SORL1: variants seen among roughly 807,000 people sequenced by gnomAD.
The protein encoded by SORL1 is sortilin-related receptor.
In SORL1, 127 loss-of-function variants were observed where a neutral mutation model predicts 273.7. The ratio of observed to expected loss-of-function variants is 0.46; its 90% CI spans 0.40 to 0.54. The LOEUF (loss-of-function observed/expected upper bound fraction) is 0.54, where lower values mean the gene tolerates loss of function less well. SORL1 is among the 20% of genes least tolerant of loss of function. The probability of loss-of-function intolerance (pLI) is 0.00; values close to 1 mark genes in which losing one functional copy is unlikely to be tolerated. For synonymous variants in SORL1, 1,031 were observed against 1,067.4 expected, an observed-to-expected ratio of 0.97 and a Z score of 0.66; for missense variants, 2,494 against 2,846.1, an observed-to-expected ratio of 0.88 and a Z score of 2.81.
intron 3 of SORL1, among the ~76,000 whole-genome samples, chr11:121,480,912 G>A (rs1219262422): frequency 3.2e-4 from 41 of 127,322 alleles, no homozygotes; most frequent in Non-Finnish European, 6.0e-4. Flanking sequence ...CCTATAGGCA[G>A]GCTTCATCTC....
intron 32 of SORL1, among the ~76,000 whole-genome samples, chr11:121,603,114 T>A (rs1300530367): frequency 6.6e-6 from 1 of 152,252 alleles, no homozygotes; most frequent in African/African-American, 2.4e-5. Context: ...GGCTGAACTC[T>A]CCTACCTATG....
In SORL1 at chr11:121,514,400, A is replaced by G. The variant is rs566158512; in HGVS notation, c.1211+79A>G. The G allele has an allele frequency of 8.6e-4, 1,187 of 1,386,898 alleles. 2 individuals are homozygous for G. The highest frequency in any genetic ancestry group is 1.1e-3 in the Non-Finnish European group (1,106 of 1,024,604). 85.9% of individuals were successfully genotyped at this position (1,386,898 alleles called of 1,614,324 possible). On this transcript the variant is annotated intron_variant, in intron 8 of 47. Transcript: ENST00000260197. ...CTTCTCTCTGGTTCTGTGGTTTTCA[A>G]CATTAGCTGCCCATGTGGATACACC...
At chr11:121,532,666 G>C (rs1262070682) in intron 12 of SORL1, 114 bp downstream of exon 12, 1 of 837,068 alleles carries the variant, frequency 1.2e-6, no homozygotes, top group Non-Finnish European at 1.9e-6. Flanking sequence ...CACAATTTGT[G>C]ATCTCTGGAT....
rs542615873 is a variant in SORL1, at chr11:121,597,278, G to C, written c.4519+1506G>C. On this transcript the variant is annotated intron_variant, in intron 32 of 47. Coordinates refer to ENST00000260197, the MANE Select transcript of SORL1 (RefSeq NM_003105.6). ...ACTGGGCTCTCCCTGGAGAGGCTTG[G>C]TTAAGAGGAAGGAGTGTGGATCCAG... Among the ~76,000 whole-genome samples, 285 of 152,322 alleles carry C rather than the reference G, an allele frequency of 1.9e-3. 2 individuals are homozygous for C. Among genetic ancestry groups the C allele is most frequent in the Non-Finnish European group, 3.7e-3 (249 of 68,030 alleles).
intron 31 of SORL1, among the ~76,000 whole-genome samples, chr11:121,594,413 T>A (rs1028860101): frequency 2.0e-5 from 3 of 152,056 alleles, no homozygotes; most frequent in African/African-American, 7.2e-5. Context: ...TTTTGTTTAA[T>A]CTTTTATAGT....
rs191480990 is a variant in SORL1 at position 121,605,311 on chromosome 11, A to G, written c.4778+72A>G. The G allele has an allele frequency of 5.8e-4, 921 of 1,578,484 alleles. 1 individual carries two copies. The highest frequency in any genetic ancestry group is 2.0e-3 in the Middle Eastern group (12 of 5,910). On this transcript the variant is annotated intron_variant, in intron 34 of 47. Transcript: ENST00000260197. ...CCCCAGGATGTTCTGTAAACTCTCT[A>G]GTGGCATGCACCATGCTATTAACGG...
rs1447152010 is a variant in SORL1, at chr11:121,452,752, C to T, written c.285+136C>T. The T allele has an allele frequency of 1.4e-6, 1 of 716,330 alleles. No homozygotes were observed. Among genetic ancestry groups the T allele is most frequent in the Non-Finnish European group, 2.1e-6 (1 of 479,286 alleles). 44.4% of individuals were successfully genotyped at this position (716,330 alleles called of 1,614,324 possible). On this transcript the variant is annotated intron_variant, in intron 1 of 47. Coordinates refer to ENST00000260197, the MANE Select transcript of SORL1 (RefSeq NM_003105.6). The surrounding 1 kb of genome is among the most constrained non-coding windows in gnomAD (Gnocchi z 5.3). ...TTCCCGGCTTGCATTTGTTTTTTTC[C>T]TTCACGAGTACAACCGTCAGCACTT...
At chr11:121,617,721 C>T (rs1348356283) in intron 41 of SORL1, among the ~76,000 whole-genome samples, 7 of 152,230 alleles carry the variant, frequency 4.6e-5, no homozygotes. Context: ...TCAGCTCCCA[C>T]CCTCCAGTTA....
At chr11:121,583,378 CTT>C in intron 25 of SORL1, 78 bp from the exon 26 acceptor site, 1 of 1,480,910 alleles carries the variant, frequency 6.8e-7, no homozygotes, top group Non-Finnish European at 9.0e-7. Context: ...ATGCAAACCT[CTT>C]TTCAGCCCAC....
At chr11:121,479,955 G>A (rs1368931506) in intron 3 of SORL1, among the ~76,000 whole-genome samples, 7 of 152,162 alleles carry the variant, frequency 4.6e-5, no homozygotes, top group African/African-American at 4.8e-5. Context: ...GCCAGCCTTT[G>A]TGCCCCTTTG....
intron 26 of SORL1, among the ~76,000 whole-genome samples, chr11:121,584,658 T>G (rs1025643335): frequency 1.3e-5 from 2 of 152,096 alleles, no homozygotes; most frequent in Non-Finnish European, 2.9e-5. Flanking sequence ...GTAGTATGAT[T>G]GTGGCTCACT....
At position 121,459,117 on chromosome 11, in the gene SORL1, C is replaced by T. The variant is rs190570880; in HGVS notation, c.285+6501C>T. Among the ~76,000 whole-genome samples, 3 of 152,370 alleles carry T rather than the reference C, an allele frequency of 2.0e-5. No individual in the cohort carries two copies. The East Asian group carries it at 5.8e-4, about 29-fold the overall frequency. On this transcript the variant is annotated intron_variant, in intron 1 of 47. Transcript: ENST00000260197. ...TTTCTGTGATAGTGATGTTTTCTAT[C>T]TGTGCTGTTCACCATGTTCACTAGT...
intron 32 of SORL1, among the ~76,000 whole-genome samples, chr11:121,602,916 G>A (rs1017666898): frequency 1.3e-4 from 20 of 152,318 alleles, no homozygotes; most frequent in East Asian, 5.8e-4. Context: ...GGCAGGGTGC[G>A]GGGAGCAGAA....
intron 3 of SORL1, among the ~76,000 whole-genome samples, chr11:121,481,260 C>T (rs1346668849): frequency 2.7e-5 from 3 of 110,266 alleles, no homozygotes; most frequent in Admixed American, 8.6e-5. Context: ...CTCCCCAGCT[C>T]CTCCCCTAGT....
At position 121,605,419 on chromosome 11, in the gene SORL1, T is replaced by C; in HGVS notation, c.4796T>C (p.Ile1599Thr). ...NVYYRVVGES[I>T]WKTLETHSNK... ...TGGGCCAGGGTGGTTGGAGAGAGCA[T>C]ATGGAAGACTCTGGAGACCCACAGC... The change falls in exon 35 of 48, where the codon ATA becomes ACA. Residue 1599 changes from isoleucine (I) to threonine (T), a missense_variant. Ile to Thr is a moderately conservative substitution (Grantham distance 89). Around this residue, in one of 3 missense-constraint regions of SORL1, gnomAD observed 1,609 missense variants for 1,816.4 expected, o/e 0.89. Transcript: ENST00000260197. The C allele has an allele frequency of 6.2e-7, 1 of 1,613,074 alleles. No homozygotes were observed. Among genetic ancestry groups the C allele is most frequent in the Non-Finnish European group, 8.5e-7 (1 of 1,179,260 alleles).
At chr11:121,515,068 G>A (rs539537604) in intron 8 of SORL1, among the ~76,000 whole-genome samples, 7 of 152,312 alleles carry the variant, frequency 4.6e-5, no homozygotes, top group African/African-American at 1.7e-4. Flanking sequence ...CTCCAGCCAT[G>A]ACAACCAGGT....
chr11:121,513,156 AG>A, intron 7 of SORL1, 52 bp downstream of exon 7: 1 of 1,352,124 alleles, frequency 7.4e-7, no homozygotes, highest in Non-Finnish European at 1.1e-6. Flanking sequence ...CTTTATGCAG[AG>A]GTCAGAGGAA....
intron 37 of SORL1, among the ~76,000 whole-genome samples, chr11:121,607,755 C>A (rs1007171997): frequency 6.6e-6 from 1 of 152,160 alleles, no homozygotes; most frequent in Non-Finnish European, 1.5e-5. Flanking sequence ...TGTGCACATT[C>A]ATGACTCTCA....
intron 12 of SORL1, 152 bp downstream of exon 12, chr11:121,532,704 G>A: frequency 5.6e-6 from 3 of 534,940 alleles, no homozygotes; most frequent in Non-Finnish European, 9.5e-6. Flanking sequence ...TTTTTTTTTT[G>A]AGATGGAGTC....
Sources: allele counts gnomAD v4.1 joint callset (sites outside exome capture counted in the v4.1 genomes callset), GRCh38; gene constraint gnomAD v4.1.1; regional missense constraint gnomAD v4.1.1; non-coding constraint Gnocchi (gnomAD v3.1); transcripts MANE v1.5; gene names NCBI Gene and HGNC (gene_info 2026-07-23, HGNC 2026-07-21).